Variants in MTUS1 observed in about 807,000 individuals in gnomAD.
The protein encoded by MTUS1 is microtubule-associated tumor suppressor 1.
MTUS1 carries 109 observed loss-of-function variants against 120.8 expected under a neutral mutation model. That is an observed-to-expected ratio of 0.90 (90% CI 0.77 to 1.06). MTUS1 has a LOEUF of 1.06. Among genes scored for constraint, MTUS1 ranks in the 50% least tolerant of loss-of-function variants. MTUS1 has a pLI of 0.00. For missense variants in MTUS1, 2,210 were observed against 1,486.3 expected (o/e 1.49, Z -8.01); for synonymous variants, 737 against 550.5 (o/e 1.34, Z -4.74).
intron 1 of MTUS1, among the ~76,000 whole-genome samples, chr8:17,759,673 A>G (rs1386263665): frequency 6.7e-6 from 1 of 148,922 alleles, no homozygotes; most frequent in African/African-American, 2.4e-5. Flanking sequence ...TATATATATT[A>G]TATACTGAGT....
chr8:17,787,156 A>T (rs979453845), intron 1 of MTUS1, among the ~76,000 whole-genome samples: 2 of 152,182 alleles, frequency 1.3e-5, no homozygotes, highest in African/African-American at 4.8e-5. Flanking sequence ...CACCCTGTCA[A>T]TTCCACTGCT....
rs1808103384 is a variant in MTUS1, at chr8:17,655,876, T to C, written c.3095A>G (p.Gln1032Arg). Residue 1032 changes from glutamine to arginine, a missense_variant, in exon 9 of 15, where the codon CAA becomes CGA. Transcript: ENST00000693296. ...AAAAGCACAGACCTGCTCTTGCAAT[T>C]GCATTTTGTACTTCTCTGCTTCTTC... is the stretch of plus-strand genomic sequence containing the variant. Reference protein sequence around the residue: ...YIEEAEKYKMQLQEQFDNLNA... With the variant: ...YIEEAEKYKMRLQEQFDNLNA... The C allele has an allele frequency of 6.2e-7, 1 of 1,614,228 alleles. No individual in the cohort carries two copies. Among genetic ancestry groups the C allele is most frequent in the African/African-American group, 1.3e-5 (1 of 75,064 alleles).
At chr8:17,771,640 C>G (rs1253644205) in intron 1 of MTUS1, among the ~76,000 whole-genome samples, 1 of 152,134 alleles carries the variant, frequency 6.6e-6, no homozygotes, top group African/African-American at 2.4e-5. Context: ...AAATGCATGC[C>G]AAGAAGTCTT....
intron 8 of MTUS1, among the ~76,000 whole-genome samples, chr8:17,671,801 C>G (rs1037537510): frequency 6.6e-6 from 1 of 152,168 alleles, no homozygotes; most frequent in Admixed American, 6.5e-5. Context: ...CAACTCCCAT[C>G]GCCCCACCCC....
intron 3 of MTUS1, among the ~76,000 whole-genome samples, chr8:17,742,311 T>TTA (rs1554516969): frequency 3.6e-5 from 5 of 139,628 alleles, no homozygotes; most frequent in Non-Finnish European, 7.8e-5. Context: ...TTTTTTTTTT[T>TTA]AGAGATAGTG....
intron 7 of MTUS1, among the ~76,000 whole-genome samples, 183 bp downstream of exon 7, chr8:17,684,145 C>T (rs2130769860): frequency 6.6e-6 from 1 of 152,280 alleles, no homozygotes; most frequent in East Asian, 1.9e-4. Context: ...AAAATGTTTC[C>T]ATCCCAAATT....
intron 7 of MTUS1, among the ~76,000 whole-genome samples, chr8:17,682,060 A>G (rs916494218): frequency 1.3e-5 from 2 of 152,174 alleles, no homozygotes; most frequent in Non-Finnish European, 2.9e-5. Context: ...TCAGTCTCAT[A>G]TGGCTAGTGG....
chr8:17,691,572 T>G (rs992458217), intron 6 of MTUS1, among the ~76,000 whole-genome samples: 1 of 152,244 alleles, frequency 6.6e-6, no homozygotes, highest in Admixed American at 6.5e-5. Context: ...AGAATCTGGA[T>G]TCACAGTAAG....
chr8:17,772,889 T>C (rs1191484783), intron 1 of MTUS1, among the ~76,000 whole-genome samples: 3 of 152,178 alleles, frequency 2.0e-5, no homozygotes, highest in Non-Finnish European at 4.4e-5. Context: ...AGTACTGGCA[T>C]GGAAAAGACT....
chr8:17,672,438 G>A lies in MTUS1; in HGVS notation c.2905+2748C>T, dbSNP rs534579379. On this transcript the variant is annotated intron_variant, in intron 8 of 14. Coordinates refer to ENST00000693296, the MANE Select transcript of MTUS1 (RefSeq NM_001363059.2). The stretch of plus-strand genomic sequence containing the variant: ...ACTCAGTTACCACAAATGTGGCCCC[G>A]GACAGTGTGACAACATCAGCCTAAC... Among the ~76,000 whole-genome samples the A allele has an allele frequency of 2.1e-4, 32 of 152,202 alleles. No individual in the cohort carries two copies. In the East Asian group the frequency reaches 3.9e-3, roughly 18 times the overall value.
intron 6 of MTUS1, among the ~76,000 whole-genome samples, chr8:17,694,091 T>C (rs1283868831): frequency 6.6e-6 from 1 of 152,204 alleles, no homozygotes; most frequent in Non-Finnish European, 1.5e-5. Context: ...ATTAATTTTT[T>C]GTGTGTGGTT....
chr8:17,709,275 C>T (rs1343174280), intron 6 of MTUS1, among the ~76,000 whole-genome samples: 1 of 152,044 alleles, frequency 6.6e-6, no homozygotes, highest in East Asian at 1.9e-4. Context: ...GTTATCCCAC[C>T]CTGTTTTCTT....
intron 8 of MTUS1, among the ~76,000 whole-genome samples, chr8:17,674,060 G>A (rs1318840109): frequency 6.6e-6 from 1 of 152,166 alleles, no homozygotes; most frequent in Admixed American, 6.5e-5. Flanking sequence ...GAAGCAGGAA[G>A]TTGATTCTCT....
intron 10 of MTUS1, 59 bp from the exon 11 acceptor site, chr8:17,653,557 A>G: frequency 8.2e-7 from 1 of 1,218,076 alleles, no homozygotes; most frequent in Non-Finnish European, 1.2e-6. Flanking sequence ...AATGTACTCT[A>G]AAACAGTTAA....
chr8:17,675,351 G>A, intron 7 of MTUS1, 99 bp from the exon 8 acceptor site: 7 of 994,630 alleles, frequency 7.0e-6, no homozygotes, highest in South Asian at 1.6e-5. Context: ...CCAGTATTGG[G>A]AAGCCAAGAT....
At chr8:17,648,384 T>C (rs1435744790) in intron 13 of MTUS1, among the ~76,000 whole-genome samples, 2 of 152,188 alleles carry the variant, frequency 1.3e-5, no homozygotes, top group Non-Finnish European at 2.9e-5. Context: ...ATTAAATGTG[T>C]TGGTAAGTTT....
At chr8:17,762,576 T>C (rs1196308996) in intron 1 of MTUS1, among the ~76,000 whole-genome samples, 1 of 152,198 alleles carries the variant, frequency 6.6e-6, no homozygotes, top group Non-Finnish European at 1.5e-5. Flanking sequence ...GTCAATTTCC[T>C]AAAAGCATAA....
intron 2 of MTUS1, among the ~76,000 whole-genome samples, chr8:17,752,988 AATTCTTT>A (rs1213289237): frequency 6.6e-6 from 1 of 152,186 alleles, no homozygotes; most frequent in Non-Finnish European, 1.5e-5. Context: ...ACTGCATGTG[AATTCTTT>A]ATTCTTTAAA....
At chr8:17,767,634 G>C (rs2049632802) in intron 1 of MTUS1, among the ~76,000 whole-genome samples, 1 of 150,148 alleles carries the variant, frequency 6.7e-6, no homozygotes, top group East Asian at 2.0e-4. Context: ...AGGATTTCGA[G>C]GTTACAGTGA....
Sources: allele counts gnomAD v4.1 joint callset (sites outside exome capture counted in the v4.1 genomes callset), GRCh38; gene constraint gnomAD v4.1.1; transcripts MANE v1.5; gene names NCBI Gene and HGNC (gene_info 2026-07-23, HGNC 2026-07-21).